The following DNAJC6 variants were observed in gnomAD, a reference collection of about 807,000 sequenced individuals.
The protein encoded by DNAJC6 is DnaJ heat shock protein family (Hsp40) member C6.
DNAJC6 carries 34 observed loss-of-function variants against 110.0 expected under a neutral mutation model. The observed-to-expected ratio is 0.31, with a 90% CI of 0.24 to 0.41. The LOEUF (loss-of-function observed/expected upper bound fraction) is 0.41. Ranked by LOEUF, DNAJC6 falls within the 10% of genes least tolerant of loss-of-function variation. The pLI, the probability that DNAJC6 is intolerant of heterozygous loss-of-function variation, is 1.00. For synonymous variants in DNAJC6, 406 were observed against 437.2 expected, an observed-to-expected ratio of 0.93 and a Z score of 0.89; for missense variants, 1,031 against 1,207.8, an observed-to-expected ratio of 0.85 and a Z score of 2.17.
intron 1 of DNAJC6, among the ~76,000 whole-genome samples, chr1:65,341,989 A>G (rs562087122): frequency 1.3e-5 from 2 of 152,164 alleles, no homozygotes; most frequent in African/African-American, 4.8e-5. Flanking sequence ...AATGCATAGC[A>G]GTTTTCCACT....
chr1:65,280,112 A>G (rs1653798575), intron 1 of DNAJC6, among the ~76,000 whole-genome samples: 2 of 152,238 alleles, frequency 1.3e-5, no homozygotes, highest in South Asian at 4.1e-4. Flanking sequence ...ACCTAGCATA[A>G]TATCTAACAC....
chr1:65,282,271 A>G (rs489324), intron 1 of DNAJC6, among the ~76,000 whole-genome samples: 31,755 of 151,848 alleles, frequency 0.21, 4,088 homozygotes, highest in South Asian at 0.35. Flanking sequence ...TCAAGTTTGG[A>G]AAAAAAAAGT....
chr1:65,379,291 T>G, intron 4 of DNAJC6, 111 bp from the exon 5 acceptor site: 1 of 1,343,610 alleles, frequency 7.4e-7, no homozygotes, highest in Non-Finnish European at 1.0e-6. Flanking sequence ...TTCCTATCTA[T>G]ATTAAGAGAG....
At chr1:65,303,359 C>T (rs1570246901) in intron 1 of DNAJC6, among the ~76,000 whole-genome samples, 1 of 152,152 alleles carries the variant, frequency 6.6e-6, no homozygotes, top group Non-Finnish European at 1.5e-5. Flanking sequence ...ACATTTGTTA[C>T]ATCGGTTATA....
intron 1 of DNAJC6, among the ~76,000 whole-genome samples, chr1:65,360,511 T>C (rs1645587212): frequency 6.6e-6 from 1 of 152,152 alleles, no homozygotes; most frequent in South Asian, 2.1e-4. Context: ...TCTTTAACAG[T>C]TATATATCAA....
At position 65,364,797 on chromosome 1, in the gene DNAJC6, C is replaced by T. The variant is rs759924913; in HGVS notation, c.344+12C>T. 31 of 1,611,378 alleles carry T rather than the reference C, an allele frequency of 1.9e-5. No homozygotes were observed. The Admixed American group carries it at 3.3e-4, about 17-fold the overall frequency. Reference sequence around the variant, plus strand: ...CAATCTGTGACCAGGTACGCACATTCTTCCCAGTTAATTTAGTGGATCCCC... The same window carrying T: ...CAATCTGTGACCAGGTACGCACATTTTTCCCAGTTAATTTAGTGGATCCCC... On this transcript the variant is annotated intron_variant, in intron 2 of 18. Coordinates refer to ENST00000371069, the MANE Select transcript of DNAJC6 (RefSeq NM_001256864.2).
intron 1 of DNAJC6, among the ~76,000 whole-genome samples, chr1:65,313,174 T>A (rs1265488038): frequency 6.6e-6 from 1 of 151,548 alleles, no homozygotes; most frequent in Non-Finnish European, 1.5e-5. Context: ...TGCCTCAGCC[T>A]CTTGAGTAGC....
At chr1:65,361,793 G>C (rs1645599672) in intron 1 of DNAJC6, among the ~76,000 whole-genome samples, 1 of 152,220 alleles carries the variant, frequency 6.6e-6, no homozygotes. Flanking sequence ...CTGCTTGTAG[G>C]TATAATCTAG....
At chr1:65,281,606 G>GA (rs1653846062) in intron 1 of DNAJC6, among the ~76,000 whole-genome samples, 1 of 149,326 alleles carries the variant, frequency 6.7e-6, no homozygotes, top group African/African-American at 2.5e-5. Flanking sequence ...ATTCCTTTTA[G>GA]TTTTTTTTTT....
At position 65,408,727 on chromosome 1, in the gene DNAJC6, A is replaced by G; in HGVS notation, c.2578A>G (p.Ile860Val). 6.2e-7 allele frequency: 1 copy of G among 1,614,122 alleles called. No homozygotes were observed. Among genetic ancestry groups the G allele is most frequent in the Non-Finnish European group, 8.5e-7 (1 of 1,180,000 alleles). The part of the protein sequence containing the change: ...AHKDKKGPRT[I>V]AEMRKEEMAK... ...CAAAGACAAAAAGGGGCCTCGGACA[A>G]TAGCTGAGATGAGAAAGGAGGAAAT... The change falls in exon 17 of 19, where the codon ATA becomes GTA. Residue 860 changes from isoleucine to valine, a missense_variant. Coordinates refer to ENST00000371069, the MANE Select transcript of DNAJC6 (RefSeq NM_001256864.2).
In DNAJC6 at chr1:65,365,903, A is replaced by C; in HGVS notation, c.363A>C (p.Leu121Phe). 1 of 1,613,558 alleles carries C rather than the reference A, an allele frequency of 6.2e-7. No homozygotes were observed. The highest frequency in any genetic ancestry group is 8.5e-7 in the Non-Finnish European group (1 of 1,179,666). ...CTTTTAGCTACACAAAGGGAGATTT[A>C]GACTTCACTTATGTTACCTCCAGAA... ...QSVTSYTKGD[L>F]DFTYVTSRII... is the part of the protein sequence containing the mutation. The change falls in exon 3 of 19, where the codon TTA becomes TTC. Residue 121 changes from leucine (L) to phenylalanine (F), a missense_variant. By Grantham distance (22) the Leu-to-Phe change is conservative. Transcript: ENST00000371069.
rs373515378 is a variant in DNAJC6, at chr1:65,380,670, T to A, written c.666+1146T>A. ...GCTGTAAGTTCAGAGAGCCTACATC[T>A]GACAACTTGATGGAGGAAAGATGGC... On this transcript the variant is annotated intron_variant, in intron 5 of 18. Transcript: ENST00000371069. Among the ~76,000 whole-genome samples, 5 of 152,084 alleles carry A rather than the reference T, an allele frequency of 3.3e-5. No homozygotes were observed. In the East Asian group the frequency reaches 5.8e-4, roughly 18 times the overall value.
intron 17 of DNAJC6, among the ~76,000 whole-genome samples, chr1:65,410,318 G>A (rs1467576990): frequency 2.0e-5 from 3 of 152,106 alleles, no homozygotes; most frequent in African/African-American, 7.2e-5. Context: ...TAGATTCTTT[G>A]ATACATTTTT....
chr1:65,323,546 T>G (rs1570277704), intron 1 of DNAJC6, among the ~76,000 whole-genome samples: 1 of 152,188 alleles, frequency 6.6e-6, no homozygotes, highest in Non-Finnish European at 1.5e-5. Flanking sequence ...CAGGCTCAGG[T>G]AGTTCCTTAT....
At chr1:65,381,485 G>A (rs12733953) in intron 5 of DNAJC6, among the ~76,000 whole-genome samples, 3,837 of 151,594 alleles carry the variant, frequency 0.025, 71 homozygotes, top group South Asian at 0.11. Context: ...GGAGGCGGAG[G>A]TTGCAGTGGG....
chr1:65,378,735 C>A (rs1645790489), intron 4 of DNAJC6, among the ~76,000 whole-genome samples: 1 of 152,308 alleles, frequency 6.6e-6, no homozygotes, highest in African/African-American at 2.4e-5. Context: ...CAGTGTGACT[C>A]TGGATAACCT....
upstream of DNAJC6, chr1:65,309,395 G>C (rs1413231551): frequency 3.7e-6 from 1 of 267,012 alleles, no homozygotes; most frequent in Non-Finnish European, 5.9e-6. Flanking sequence ...GACACCTATA[G>C]GATTGCTTCC....
chr1:65,271,814 A>G (rs887133370), intron 1 of DNAJC6, among the ~76,000 whole-genome samples: 2 of 151,268 alleles, frequency 1.3e-5, no homozygotes, highest in Non-Finnish European at 2.9e-5. Context: ...GATTGCAGTG[A>G]GCCAAGATCA....
At chr1:65,352,882 T>TG (rs1324429932) in intron 1 of DNAJC6, among the ~76,000 whole-genome samples, 15 of 152,156 alleles carry the variant, frequency 9.9e-5, no homozygotes, top group Admixed American at 5.2e-4. Flanking sequence ...TACCTGTATA[T>TG]GGGGGGTTGT....
Sources: gnomAD v4.1 joint callset for allele counts (sites outside exome capture counted in the v4.1 genomes callset) on GRCh38, gnomAD v4.1.1 for gene constraint, MANE v1.5 for transcripts, NCBI Gene and HGNC (gene_info 2026-07-23, HGNC 2026-07-21) for gene names.